The following OPCML variants were observed in gnomAD, a reference collection of about 807,000 sequenced individuals.
The protein encoded by OPCML is opioid binding protein/cell adhesion molecule like.
OPCML carries 13 observed loss-of-function variants against 37.8 expected under a neutral mutation model. The observed-to-expected ratio is 0.34, with a 90% CI of 0.22 to 0.55. The LOEUF (loss-of-function observed/expected upper bound fraction) is 0.55. Among genes scored for constraint, OPCML ranks in the 20% least tolerant of loss-of-function variants. The pLI is 0.91. For synonymous variants in OPCML, 176 were observed against 168.8 expected, an observed-to-expected ratio of 1.04 and a Z score of -0.33; for missense variants, 341 against 435.6, an observed-to-expected ratio of 0.78 and a Z score of 1.93.
intron 1 of OPCML, among the ~76,000 whole-genome samples, chr11:133,315,660 T>G (rs758545703): frequency 6.6e-6 from 1 of 152,122 alleles, no homozygotes; most frequent in Admixed American, 6.5e-5. Flanking sequence ...TAGCCCGGCA[T>G]AGTGGCACGT....
At chr11:132,641,179 G>A (rs539141365) in intron 3 of OPCML, among the ~76,000 whole-genome samples, 1 of 152,218 alleles carries the variant, frequency 6.6e-6, no homozygotes, top group East Asian at 1.9e-4. Context: ...CAGGAAACTG[G>A]GGGCCCCTCA....
intron 1 of OPCML, among the ~76,000 whole-genome samples, chr11:133,043,183 G>A (rs983136406): frequency 3.3e-5 from 5 of 152,092 alleles, no homozygotes; most frequent in Non-Finnish European, 5.9e-5. Context: ...TTATTACCAG[G>A]GTGGATGCAA....
intron 3 of OPCML, among the ~76,000 whole-genome samples, chr11:132,554,530 G>T (rs1366389539): frequency 1.3e-5 from 2 of 152,196 alleles, no homozygotes. Flanking sequence ...GCCATGACTG[G>T]TCACAAAACA....
At chr11:132,430,037 G>A (rs2095991206) in intron 7 of OPCML, among the ~76,000 whole-genome samples, 1 of 152,170 alleles carries the variant, frequency 6.6e-6, no homozygotes, top group African/African-American at 2.4e-5. Context: ...ACTGAGACGA[G>A]GTCGGGTGTT....
At chr11:132,841,968 A>G (rs1467970653) in intron 2 of OPCML, among the ~76,000 whole-genome samples, 2 of 151,588 alleles carry the variant, frequency 1.3e-5, no homozygotes, top group Non-Finnish European at 2.9e-5. Context: ...ATCCATCTGC[A>G]TGCTATTGAA....
chr11:132,465,455 T>C (rs534840510), intron 4 of OPCML, among the ~76,000 whole-genome samples: 3 of 152,214 alleles, frequency 2.0e-5, no homozygotes, highest in Non-Finnish European at 4.4e-5. Flanking sequence ...GTGAAATCAA[T>C]CATCCTTTTT....
chr11:132,432,853 T>G (rs1212078465), intron 7 of OPCML, among the ~76,000 whole-genome samples: 1 of 152,262 alleles, frequency 6.6e-6, no homozygotes. Context: ...GGAATCTATC[T>G]GTTGAGTCAC....
chr11:132,437,137 G>GA, intron 5 of OPCML, 85 bp downstream of exon 5: 1 of 1,544,420 alleles, frequency 6.5e-7, no homozygotes, highest in Non-Finnish European at 8.7e-7. Context: ...GGGTCCTTTG[G>GA]AAAATGGCAC....
In OPCML at chr11:133,489,596, A is replaced by G. The variant is rs1056948716; in HGVS notation, c.61+42668T>C. On this transcript the variant is annotated intron_variant, in intron 1 of 7. Transcript: ENST00000524381. ...AAACAACAGGTGTTAGTGAGGATGC[A>G]GAGACTAAAAAATGCTTATACACTG... 5.3e-5 allele frequency among the ~76,000 whole-genome samples: 8 copies of G among 152,280 alleles called. No homozygotes were observed. The South Asian group carries it at 1.7e-3, about 32-fold the overall frequency.
rs142263252 is a variant in OPCML, at chr11:132,451,470, C to T, written c.506-14111G>A. On this transcript the variant is annotated intron_variant, in intron 4 of 7. Transcript: ENST00000524381. ...ACACTCTAGAAGGCCTGGGATCAGT[C>T]CTTTATGCAGCTGGTCTGGCTTCTG... Among the ~76,000 whole-genome samples, 47 of 152,268 alleles carry T rather than the reference C, an allele frequency of 3.1e-4. 1 individual carries two copies. The East Asian group carries it at 8.9e-3, about 29-fold the overall frequency.
intron 2 of OPCML, among the ~76,000 whole-genome samples, chr11:132,825,305 T>A (rs1459900072): frequency 6.6e-6 from 1 of 152,132 alleles, no homozygotes; most frequent in Non-Finnish European, 1.5e-5. Context: ...TACCCAGCAA[T>A]TGAAGGGCAT....
At chr11:132,521,099 T>G (rs1009218309) in intron 4 of OPCML, among the ~76,000 whole-genome samples, 1 of 152,168 alleles carries the variant, frequency 6.6e-6, no homozygotes, top group Non-Finnish European at 1.5e-5. Flanking sequence ...GGTATCTCAT[T>G]GTGATTTTGA....
At position 132,491,654 on chromosome 11, in the gene OPCML, C is replaced by A. The variant is rs1274348659; in HGVS notation, c.505+37407G>T. The stretch of plus-strand genomic sequence containing the variant: ...AACTATATTACATATTTAATTCATT[C>A]ATTTATTCAACATATACATGCTAAG... On this transcript the variant is annotated intron_variant, in intron 4 of 7. Coordinates refer to ENST00000524381, the MANE Select transcript of OPCML (RefSeq NM_001012393.5). 3.3e-5 allele frequency among the ~76,000 whole-genome samples: 5 copies of A among 152,306 alleles called. No homozygotes were observed. In the South Asian group the frequency reaches 8.3e-4, roughly 25 times the overall value.
At chr11:132,759,915 G>T (rs186302009) in intron 2 of OPCML, among the ~76,000 whole-genome samples, 2 of 152,036 alleles carry the variant, frequency 1.3e-5, no homozygotes, top group African/African-American at 2.4e-5. Flanking sequence ...GATCTTTCCC[G>T]CTTTCTCATG....
chr11:132,619,652 C>G (rs528658018), intron 3 of OPCML, among the ~76,000 whole-genome samples: 129 of 143,514 alleles, frequency 9.0e-4, no homozygotes, highest in African/African-American at 3.3e-3. Flanking sequence ...TCCTGGCTAA[C>G]ATGGTGAAAC....
intron 1 of OPCML, among the ~76,000 whole-genome samples, chr11:133,246,135 T>C (rs967796114): frequency 6.6e-6 from 1 of 152,096 alleles, no homozygotes; most frequent in African/African-American, 2.4e-5. Context: ...TAAAAAAAAT[T>C]AAAAAGAAGC....
chr11:132,717,878 C>T (rs980023802), intron 2 of OPCML, among the ~76,000 whole-genome samples: 1 of 152,152 alleles, frequency 6.6e-6, no homozygotes, highest in Non-Finnish European at 1.5e-5. Context: ...TGTATGGAGG[C>T]AAGGACAGCA....
At chr11:132,485,268 G>T (rs926153953) in intron 4 of OPCML, among the ~76,000 whole-genome samples, 1 of 152,134 alleles carries the variant, frequency 6.6e-6, no homozygotes, top group African/African-American at 2.4e-5. Flanking sequence ...TCATAAATAA[G>T]TGTTTATGAC....
intron 1 of OPCML, among the ~76,000 whole-genome samples, chr11:133,223,613 AT>A (rs1468525804): frequency 3.3e-5 from 5 of 152,204 alleles, no homozygotes; most frequent in Non-Finnish European, 7.3e-5. Flanking sequence ...GGCAGAATCA[AT>A]AAAAGATTTT....
Sources: allele counts gnomAD v4.1 joint callset (sites outside exome capture counted in the v4.1 genomes callset), GRCh38; gene constraint gnomAD v4.1.1; transcripts MANE v1.5; gene names NCBI Gene and HGNC (gene_info 2026-07-23, HGNC 2026-07-21).